VAV2: variants seen among roughly 807,000 people sequenced by gnomAD.
VAV2 encodes the protein guanine nucleotide exchange factor VAV2.
In VAV2, 67 loss-of-function variants were observed where a neutral mutation model predicts 132.5. The ratio of observed to expected loss-of-function variants is 0.51; its 90% CI spans 0.42 to 0.62. The LOEUF is 0.62. VAV2 is among the 20% of genes least tolerant of loss of function. The pLI, the probability that VAV2 is intolerant of heterozygous loss-of-function variation, is 0.00. For missense variants in VAV2, 938 were observed against 1,153.6 expected (o/e 0.81, Z 2.71); for synonymous variants, 492 against 443.5 (o/e 1.11, Z -1.37).
chr9:133,795,663 C>T lies in VAV2; in HGVS notation c.1101+5G>A. ...CTTCTCCCCTGCCTCAGTTTACCCA[C>T]ACACCTGCATGGCTTCCAGTGCTTC... On this transcript the variant is annotated splice_donor_5th_base_variant and intron_variant, in intron 12 of 29. Coordinates refer to ENST00000371850, the MANE Select transcript of VAV2 (RefSeq NM_001134398.2). 1.9e-6 allele frequency: 3 copies of T among 1,614,130 alleles called. No individual in the cohort carries two copies. Among genetic ancestry groups the T allele is most frequent in the Non-Finnish European group, 2.5e-6 (3 of 1,179,966 alleles).
rs1834340575 is a variant in VAV2 at position 133,788,858 on chromosome 9, C to G, written c.1275-372G>C. Among the ~76,000 whole-genome samples the G allele has an allele frequency of 6.6e-6, 1 of 152,228 alleles. No homozygotes were observed. Among genetic ancestry groups the G allele is most frequent in the Non-Finnish European group, 1.5e-5 (1 of 68,044 alleles). Reference sequence around the variant, plus strand: ...ACCCAGATCTGCTGTGACCCCTGCCCCAGCACACAGTAGGTGCACAAGGAG... The same window carrying G: ...ACCCAGATCTGCTGTGACCCCTGCCGCAGCACACAGTAGGTGCACAAGGAG... On this transcript the variant is annotated intron_variant, in intron 14 of 29. Coordinates refer to ENST00000371850, the MANE Select transcript of VAV2 (RefSeq NM_001134398.2). The surrounding 1 kb of genome is among the most constrained non-coding windows in gnomAD (Gnocchi z 5.3).
chr9:133,872,655 A>G (rs953144868), intron 2 of VAV2, among the ~76,000 whole-genome samples: 6 of 150,948 alleles, frequency 4.0e-5, no homozygotes, highest in Non-Finnish European at 5.9e-5. Context: ...AAGAGGCTGG[A>G]AGGGAGAAGT....
intron 4 of VAV2, among the ~76,000 whole-genome samples, chr9:133,814,608 T>C (rs1295176919): frequency 6.6e-6 from 1 of 152,124 alleles, no homozygotes; most frequent in Non-Finnish European, 1.5e-5. Context: ...GCTGATGACA[T>C]GGATCAAAAA....
chr9:133,768,602 G>C lies in VAV2; in HGVS notation c.2435-6C>G. On this transcript the variant is annotated splice_polypyrimidine_tract_variant and splice_region_variant and intron_variant, in intron 28 of 29. Coordinates refer to ENST00000371850, the MANE Select transcript of VAV2 (RefSeq NM_001134398.2). The surrounding 1 kb of genome is among the most constrained non-coding windows in gnomAD (Gnocchi z 5.3). ...GATGACGCGGGGCGTGAACACTGTT[G>C]AGGGAGATGGGCAGCATCACACAGC... The C allele has an allele frequency of 6.2e-7, 1 of 1,612,882 alleles. No homozygotes were observed. The highest frequency in any genetic ancestry group is 1.3e-5 in the African/African-American group (1 of 75,014).
intron 1 of VAV2, among the ~76,000 whole-genome samples, chr9:133,984,810 A>G (rs1299503074): frequency 6.6e-6 from 1 of 151,942 alleles, no homozygotes; most frequent in African/African-American, 2.4e-5. Flanking sequence ...CAGGAGGCTG[A>G]GATGCGATAA....
intron 12 of VAV2, 69 bp from the exon 13 acceptor site, chr9:133,791,938 G>A: frequency 8.6e-7 from 1 of 1,169,286 alleles, no homozygotes; most frequent in South Asian, 1.3e-5. Flanking sequence ...TGTGTAAGCA[G>A]GCTGTACTGG....
chr9:133,875,423 C>T lies in VAV2; in HGVS notation c.322-13991G>A, dbSNP rs974284942. ...AGGAGCTCATCAGGCAGAGGGCAGG[C>T]CCTGAGCAGGCAGAGGGGGCCCCAC... On this transcript the variant is annotated intron_variant, in intron 2 of 29. Transcript: ENST00000371850. Among the ~76,000 whole-genome samples, 29 of 152,270 alleles carry T rather than the reference C, an allele frequency of 1.9e-4. No individual in the cohort carries two copies. In the South Asian group the frequency reaches 3.1e-3, roughly 16 times the overall value.
At chr9:133,847,415 C>T (rs1032390675) in intron 3 of VAV2, among the ~76,000 whole-genome samples, 2 of 152,224 alleles carry the variant, frequency 1.3e-5, no homozygotes, top group Non-Finnish European at 2.9e-5. Context: ...GGGGTTGAGG[C>T]CTGCCTCAGT....
intron 3 of VAV2, among the ~76,000 whole-genome samples, chr9:133,839,549 C>T (rs191199562): frequency 6.6e-6 from 1 of 151,366 alleles, no homozygotes; most frequent in East Asian, 1.9e-4. Flanking sequence ...CTCCCGGGTT[C>T]AAGTGATTCC....
intron 4 of VAV2, among the ~76,000 whole-genome samples, chr9:133,827,187 G>T (rs142325184): frequency 6.9e-6 from 1 of 145,236 alleles, no homozygotes; most frequent in Non-Finnish European, 1.5e-5. Flanking sequence ...GCGCCCACTG[G>T]GGCTGACCAC....
At chr9:133,948,015 T>C (rs1464739059) in intron 1 of VAV2, among the ~76,000 whole-genome samples, 1 of 152,112 alleles carries the variant, frequency 6.6e-6, no homozygotes, top group Non-Finnish European at 1.5e-5. Flanking sequence ...CGTCTCAAAC[T>C]CCTGGCCTCA....
At chr9:133,970,641 C>T (rs115981929) in intron 1 of VAV2, among the ~76,000 whole-genome samples, 2,148 of 152,274 alleles carry the variant, frequency 0.014, 30 homozygotes, top group African/African-American at 0.036. Context: ...CCTCCAACTT[C>T]GAAGCCCAGC....
intron 4 of VAV2, among the ~76,000 whole-genome samples, chr9:133,814,002 C>T (rs1215855856): frequency 6.6e-6 from 1 of 152,214 alleles, no homozygotes; most frequent in African/African-American, 2.4e-5. Flanking sequence ...CTATCCTCTC[C>T]TCTCTCCCCA....
Position 133,834,165 on chromosome 9 carries a change from T to C in VAV2, c.449+107A>G. On this transcript the variant is annotated intron_variant, in intron 4 of 29. Transcript: ENST00000371850. The surrounding 1 kb of genome is among the most constrained non-coding windows in gnomAD (Gnocchi z 5.9). Reference sequence around the variant, plus strand: ...CCCGGTGGGAAGGGCCAGGGCCAGCTCTGCCTGCACTGTGGCCGCCATGTT... The same window carrying C: ...CCCGGTGGGAAGGGCCAGGGCCAGCCCTGCCTGCACTGTGGCCGCCATGTT... 1 of 1,313,192 alleles carries C rather than the reference T, an allele frequency of 7.6e-7. No homozygotes were observed. Among genetic ancestry groups the C allele is most frequent in the Non-Finnish European group, 1.1e-6 (1 of 946,452 alleles). 81.3% of individuals were successfully genotyped at this position (1,313,192 alleles called of 1,614,324 possible).
rs1232757842 is a variant in VAV2 at position 133,883,602 on chromosome 9, G to A, written c.322-22170C>T. Among the ~76,000 whole-genome samples, 6 of 152,292 alleles carry A rather than the reference G, an allele frequency of 3.9e-5. No homozygotes were observed. The highest frequency in any genetic ancestry group is 4.4e-5 in the Non-Finnish European group (3 of 68,016). On this transcript the variant is annotated intron_variant, in intron 2 of 29. Coordinates refer to ENST00000371850, the MANE Select transcript of VAV2 (RefSeq NM_001134398.2). This position sits in a 1 kb window ranked among gnomAD's most constrained non-coding sequence, Gnocchi z 4.2. ...TCATCCCCAGCCACGGCAGGCAGGC[G>A]GCCCAGCAGCAGGCAGGTTTCAGCT... is the stretch of plus-strand genomic sequence containing the variant.
rs150717218 is a variant in VAV2 at position 133,976,697 on chromosome 9, G to A, written c.204+15378C>T. Among the ~76,000 whole-genome samples, 139 of 152,330 alleles carry A rather than the reference G, an allele frequency of 9.1e-4. 1 individual carries two copies. The highest frequency in any genetic ancestry group is 2.3e-3 in the African/African-American group (96 of 41,566). On this transcript the variant is annotated intron_variant, in intron 1 of 29. Transcript: ENST00000371850. ...CGCATCTGGCTTTCTGTCCTGCGAC[G>A]GAGCTGCTATTCTGGACGTTTTAAG...
In VAV2 at chr9:133,788,596, C is replaced by A. The variant is rs562320068; in HGVS notation, c.1275-110G>T. ...TCTGGCACGCGGCTCCCTCTCCGGG[C>A]GAGCCCTGCCCTCACCTGGCTCACC... On this transcript the variant is annotated intron_variant, in intron 14 of 29. Transcript: ENST00000371850. The surrounding 1 kb of genome is among the most constrained non-coding windows in gnomAD (Gnocchi z 5.3). 7 of 1,461,830 alleles carry A rather than the reference C, an allele frequency of 4.8e-6. No homozygotes were observed. The highest frequency in any genetic ancestry group is 2.6e-5 in the South Asian group (2 of 76,602). 90.6% of individuals were successfully genotyped at this position (1,461,830 alleles called of 1,614,324 possible).
chr9:133,916,257 G>A lies in VAV2; in HGVS notation c.321+22846C>T, dbSNP rs540060322. On this transcript the variant is annotated intron_variant, in intron 2 of 29. Coordinates refer to ENST00000371850, the MANE Select transcript of VAV2 (RefSeq NM_001134398.2). ...GAGGCGGACAGGCAACACCGAGCTG[G>A]GCTTGGTCCCACTCGATAAGAAGGA... 3.0e-4 allele frequency among the ~76,000 whole-genome samples: 45 copies of A among 152,356 alleles called. 1 individual carries two copies. The highest frequency in any genetic ancestry group is 2.5e-3 in the Admixed American group (38 of 15,308).
chr9:133,765,682 G>A (rs591797), intron 29 of VAV2, among the ~76,000 whole-genome samples: 58,143 of 151,976 alleles, frequency 0.38, 11,739 homozygotes, highest in Non-Finnish European at 0.44. Context: ...GGGATGACTG[G>A]TAAGATTTGA....
Sources: allele counts gnomAD v4.1 joint callset (sites outside exome capture counted in the v4.1 genomes callset), GRCh38; gene constraint gnomAD v4.1.1; non-coding constraint Gnocchi (gnomAD v3.1); transcripts MANE v1.5; gene names NCBI Gene and HGNC (gene_info 2026-07-23, HGNC 2026-07-21).